Variants in DMD observed in about 807,000 individuals in gnomAD.
DMD encodes mutant dystrophin.
DMD carries 63 observed loss-of-function variants against 330.1 expected under a neutral mutation model. The observed-to-expected ratio is 0.19, with a 90% CI of 0.16 to 0.24. The LOEUF (loss-of-function observed/expected upper bound fraction) is 0.24, where lower values mean the gene tolerates loss of function less well. DMD is among the 10% of genes least tolerant of loss of function. DMD has a pLI of 1.00. For missense variants in DMD, 3,344 were observed against 2,684.1 expected (o/e 1.25, Z -5.43); for synonymous variants, 1,223 against 959.8 (o/e 1.27, Z -5.07).
intron 41 of DMD, among the ~76,000 whole-genome samples, chrX:32,326,866 C>T (rs1458503305): frequency 9.4e-6 from 1 of 106,679 alleles, no homozygotes; most frequent in Non-Finnish European, 1.9e-5. Context: ...GAGATCATGC[C>T]ACTGCACTCC....
chrX:31,201,158 T>TAC (rs57235865), intron 67 of DMD, among the ~76,000 whole-genome samples: 46,092 of 97,995 alleles, frequency 0.47, 8,479 homozygotes, highest in Non-Finnish European at 0.54. Context: ...AGAGACCCTG[T>TAC]ACACACACAC....
intron 44 of DMD, among the ~76,000 whole-genome samples, chrX:32,091,927 T>C (rs139762351): frequency 2.4e-3 from 264 of 111,537 alleles, no homozygotes; most frequent in South Asian, 0.011. Context: ...TCTGATAATT[T>C]ATCAGATTGT....
At chrX:32,328,730 CCTTTA>C (rs998720884) in intron 41 of DMD, among the ~76,000 whole-genome samples, 1 of 109,835 alleles carries the variant, frequency 9.1e-6, no homozygotes, top group Non-Finnish European at 1.9e-5. Context: ...AAAGTTCTGC[CCTTTA>C]CTTTTTCTAG....
At chrX:32,508,774 G>A (rs1427118747) in intron 18 of DMD, among the ~76,000 whole-genome samples, 1 of 111,622 alleles carries the variant, frequency 9.0e-6, no homozygotes, top group Non-Finnish European at 1.9e-5. Context: ...CTACTTAAAG[G>A]TAACTTCAAT....
chrX:31,612,921 A>G (rs1032301223), intron 55 of DMD, among the ~76,000 whole-genome samples: 2 of 112,401 alleles, frequency 1.8e-5, no homozygotes, highest in African/African-American at 6.5e-5. Flanking sequence ...TTTTAAAAAC[A>G]TCAGTATACT....
chrX:32,762,362 C>T (rs1347835278), intron 7 of DMD, among the ~76,000 whole-genome samples: 1 of 110,839 alleles, frequency 9.0e-6, no homozygotes, highest in Non-Finnish European at 1.9e-5. Context: ...TTTCACCTAC[C>T]ATCTCTTCGG....
intron 63 of DMD, among the ~76,000 whole-genome samples, chrX:31,256,068 G>C (rs1006579410): frequency 9.1e-6 from 1 of 110,017 alleles, no homozygotes; most frequent in Non-Finnish European, 1.9e-5. Context: ...GAGCCACCGT[G>C]CCCAGCCCCA....
chrX:33,328,306 C>T (rs141848521), intron 1 of DMD, among the ~76,000 whole-genome samples: 1,510 of 110,848 alleles, frequency 0.014, 9 homozygotes, highest in Middle Eastern at 0.032. Context: ...TGGGTTCAAG[C>T]GATTCTTCTG....
At chrX:31,493,647 C>T (rs1173135276) in intron 57 of DMD, among the ~76,000 whole-genome samples, 1 of 111,069 alleles carries the variant, frequency 9.0e-6, no homozygotes, top group Non-Finnish European at 1.9e-5. Context: ...GCCTTGTCAC[C>T]CTTGTTGAGG....
At chrX:33,057,328 T>C (rs1356840280) in intron 1 of DMD, among the ~76,000 whole-genome samples, 1 of 112,250 alleles carries the variant, frequency 8.9e-6, no homozygotes, top group Non-Finnish European at 1.9e-5. Flanking sequence ...GAAGTTAGAT[T>C]AGATACTTGT....
chrX:32,804,479 G>A (rs755329428), intron 7 of DMD, among the ~76,000 whole-genome samples: 2 of 112,329 alleles, frequency 1.8e-5, no homozygotes, highest in East Asian at 2.8e-4. Context: ...CCCAGTCAGC[G>A]GCTTACAGAT....
At chrX:32,684,324 A>G (rs2062687252) in intron 9 of DMD, among the ~76,000 whole-genome samples, 1 of 111,688 alleles carries the variant, frequency 9.0e-6, no homozygotes, top group Non-Finnish European at 1.9e-5. Flanking sequence ...TGCTATCTTT[A>G]CAGCATGGTA....
intron 2 of DMD, among the ~76,000 whole-genome samples, chrX:32,878,228 A>C (rs980922147): frequency 9.0e-6 from 1 of 110,745 alleles, no homozygotes; most frequent in Non-Finnish European, 1.9e-5. Flanking sequence ...AAAGACAAAA[A>C]TTAGCCGGGT....
chrX:33,146,014 G>T (rs1447249425), intron 1 of DMD, among the ~76,000 whole-genome samples: 1 of 110,320 alleles, frequency 9.1e-6, no homozygotes, highest in East Asian at 2.8e-4. Flanking sequence ...AGTCTCCCGA[G>T]CAGCTAGGAC....
chrX:32,858,131 T>C (rs765999943), intron 2 of DMD, among the ~76,000 whole-genome samples: 1 of 111,741 alleles, frequency 8.9e-6, no homozygotes, highest in South Asian at 3.8e-4. Flanking sequence ...TATTCTCTAA[T>C]AGAGTGCTTC....
intron 7 of DMD, among the ~76,000 whole-genome samples, chrX:32,727,655 G>A (rs1390980069): frequency 7.2e-5 from 8 of 110,583 alleles, no homozygotes; most frequent in Admixed American, 3.9e-4. Flanking sequence ...ATGTTACTGC[G>A]TCATAACAAC....
At position 33,117,080 on chromosome X, in the gene DMD, T is replaced by TA. The variant is rs781703947; in HGVS notation, c.31+94201_31+94202insT. The stretch of plus-strand genomic sequence containing the variant: ...CAGGCCACATTATATATATATATAT[T>TA]TTTTAACATAATGTACACAATACAT... On this transcript the variant is annotated intron_variant, in intron 1 of 78. Coordinates refer to ENST00000357033, the MANE Select transcript of DMD (RefSeq NM_004006.3). Among the ~76,000 whole-genome samples the TA allele has an allele frequency of 4.9e-3, 495 of 101,927 alleles. 2 individuals carry two copies. The highest frequency in any genetic ancestry group is 0.016 in the African/African-American group (447 of 27,888). The allele number at this position is 101,927 out of a possible 115,157, so 88.5% of individuals were successfully genotyped here.
At chrX:33,149,109 T>G (rs2048161876) in intron 1 of DMD, among the ~76,000 whole-genome samples, 1 of 110,625 alleles carries the variant, frequency 9.0e-6, no homozygotes, top group Admixed American at 9.7e-5. Context: ...TGCACTTTAT[T>G]TCTATTATTA....
intron 2 of DMD, among the ~76,000 whole-genome samples, chrX:33,009,948 G>A (rs867665820): frequency 2.4e-5 from 2 of 81,634 alleles, no homozygotes; most frequent in Non-Finnish European, 4.4e-5. Flanking sequence ...ATATACACGT[G>A]TGTATGTGTA....
Sources: allele counts gnomAD v4.1 joint callset (sites outside exome capture counted in the v4.1 genomes callset), GRCh38; gene constraint gnomAD v4.1.1; transcripts MANE v1.5; gene names NCBI Gene and HGNC (gene_info 2026-07-23, HGNC 2026-07-21).